The following OSBPL6 variants were observed in gnomAD, a reference collection of about 807,000 sequenced individuals.
OSBPL6 encodes oxysterol binding protein like 6, also known as oxysterol-binding protein-related protein 6.
Under a neutral mutation model 125.8 loss-of-function variants are expected in OSBPL6, and 49 were observed. That is an observed-to-expected ratio of 0.39 (90% CI 0.31 to 0.49). The LOEUF is 0.49. Ranked by LOEUF, OSBPL6 falls within the 20% of genes least tolerant of loss-of-function variation. OSBPL6 has a pLI of 0.88. For missense variants in OSBPL6, 986 were observed against 1,135.4 expected (o/e 0.87, Z 1.89); for synonymous variants, 394 against 391.8 (o/e 1.01, Z -0.07).
At chr2:178,395,428 T>C (rs752380546) in intron 24 of OSBPL6, 23 bp from the exon 25 acceptor site, 2 of 1,537,966 alleles carry the variant, frequency 1.3e-6, no homozygotes, top group Non-Finnish European at 1.8e-6. Flanking sequence ...TCATGACTAA[T>C]GTTGATGTTT....
intron 1 of OSBPL6, among the ~76,000 whole-genome samples, chr2:178,262,217 G>T: frequency 6.6e-6 from 1 of 151,982 alleles, no homozygotes. Flanking sequence ...AGAATTTTTT[G>T]CTTTGCTAAA....
rs1440436660 is a variant in OSBPL6 at position 178,372,213 on chromosome 2, A to G, written c.1375A>G (p.Ile459Val). The stretch of plus-strand genomic sequence containing the variant: ...TTGTGATCAGGTTGTCAGTGTAAAT[A>G]TTATTCCTAGCCCTGATGAGGTAAG... ...IICDQVVSVN[I>V]IPSPDEAGEQ... Residue 459 changes from isoleucine to valine, a missense_variant, in exon 14 of 25, where the codon ATT (isoleucine) becomes GTT (valine). This residue lies in a region of OSBPL6 where 843 missense variants were observed against 997.3 expected (regional missense o/e 0.85). Transcript: ENST00000190611. The G allele has an allele frequency of 6.8e-6, 11 of 1,612,386 alleles. No homozygotes were observed. In the East Asian group the frequency reaches 2.0e-4, roughly 29 times the overall value.
chr2:178,255,110 C>G (rs1333179613), intron 1 of OSBPL6, among the ~76,000 whole-genome samples: 1 of 152,204 alleles, frequency 6.6e-6, no homozygotes, highest in African/African-American at 2.4e-5. Context: ...TCAAGACCAG[C>G]TAGGCCAGCA....
intron 11 of OSBPL6, among the ~76,000 whole-genome samples, chr2:178,347,444 CA>C (rs74956757): frequency 0.059 from 8,906 of 152,200 alleles, 333 homozygotes; most frequent in South Asian, 0.15. Flanking sequence ...AGTCTCTCCC[CA>C]TGACATCCTA....
At chr2:178,333,665 A>G (rs182700000) in intron 8 of OSBPL6, among the ~76,000 whole-genome samples, 48 of 152,360 alleles carry the variant, frequency 3.2e-4, no homozygotes, top group African/African-American at 1.1e-3. Context: ...TTTAATCAAC[A>G]TTCAGAAATC....
At chr2:178,329,417 A>ATTT (rs199952604) in intron 5 of OSBPL6, among the ~76,000 whole-genome samples, 2 of 139,528 alleles carry the variant, frequency 1.4e-5, no homozygotes, top group South Asian at 2.3e-4. Flanking sequence ...TTATTTACTT[A>ATTT]TTTTTTTTTT....
At chr2:178,343,659 T>C (rs16866275) in intron 11 of OSBPL6, among the ~76,000 whole-genome samples, 3,887 of 152,284 alleles carry the variant, frequency 0.026, 234 homozygotes, top group East Asian at 0.22. Context: ...TTTTCTGATC[T>C]TATGGGGTCT....
At chr2:178,243,876 C>T (rs1011962487) in intron 1 of OSBPL6, among the ~76,000 whole-genome samples, 1 of 152,180 alleles carries the variant, frequency 6.6e-6, no homozygotes, top group Non-Finnish European at 1.5e-5. Context: ...TGGTCTTGAA[C>T]TCCTGATCTC....
chr2:178,294,674 T>C (rs1685573971), intron 2 of OSBPL6, among the ~76,000 whole-genome samples: 1 of 151,890 alleles, frequency 6.6e-6, no homozygotes, highest in African/African-American at 2.4e-5. Context: ...GTCGGAAAAT[T>C]CTAAGTCAAA....
intron 1 of OSBPL6, among the ~76,000 whole-genome samples, chr2:178,269,691 T>C (rs1377048465): frequency 6.6e-6 from 1 of 152,122 alleles, no homozygotes; most frequent in Admixed American, 6.5e-5. Flanking sequence ...CAGGGCCTTG[T>C]TATATTACAG....
intron 13 of OSBPL6, among the ~76,000 whole-genome samples, chr2:178,368,591 GTTTTCTTTTGGCACAATGTTAATATT>G (rs1559301694): frequency 6.6e-6 from 1 of 151,654 alleles, no homozygotes; most frequent in Non-Finnish European, 1.5e-5. Flanking sequence ...GAACCAAACT[GTTTTCTTTTGGCACAATGTTAATATT>G]TTGGCAGGAA....
chr2:178,335,415 C>T (rs1258420697), intron 8 of OSBPL6, among the ~76,000 whole-genome samples: 1 of 152,084 alleles, frequency 6.6e-6, no homozygotes, highest in Non-Finnish European at 1.5e-5. Flanking sequence ...ATTTCCATTA[C>T]ATTTATCAAC....
chr2:178,361,612 G>A (rs1692365378), intron 12 of OSBPL6, 70 bp from the exon 13 acceptor site: 1 of 1,556,494 alleles, frequency 6.4e-7, no homozygotes, highest in South Asian at 1.2e-5. Flanking sequence ...AAAGTCTGGA[G>A]AAATTTATAA....
intron 1 of OSBPL6, among the ~76,000 whole-genome samples, chr2:178,216,339 T>C (rs1318561811): frequency 6.6e-6 from 1 of 152,192 alleles, no homozygotes. Flanking sequence ...CATGAAATCA[T>C]ATTCACTCAA....
chr2:178,222,724 A>G (rs1252232010), intron 1 of OSBPL6, among the ~76,000 whole-genome samples: 2 of 152,206 alleles, frequency 1.3e-5, no homozygotes, highest in African/African-American at 2.4e-5. Flanking sequence ...TTGAAAAGTA[A>G]ATGTTGTTAT....
intron 1 of OSBPL6, among the ~76,000 whole-genome samples, chr2:178,265,190 A>C (rs974771862): frequency 5.8e-5 from 3 of 51,910 alleles, no homozygotes; most frequent in East Asian, 2.3e-3. Flanking sequence ...CCCAGACGAG[A>C]CTTTTTTTTT....
intron 2 of OSBPL6, among the ~76,000 whole-genome samples, chr2:178,290,384 A>T (rs983846684): frequency 1.3e-5 from 2 of 151,314 alleles, no homozygotes; most frequent in Non-Finnish European, 2.9e-5. Context: ...TCAAGGATTT[A>T]AAAAAATATT....
At chr2:178,312,007 C>T (rs920451399) in intron 3 of OSBPL6, among the ~76,000 whole-genome samples, 1 of 152,056 alleles carries the variant, frequency 6.6e-6, no homozygotes, top group Non-Finnish European at 1.5e-5. Context: ...ATTGAAATGG[C>T]GTCTTAGTCT....
chr2:178,224,364 C>T (rs2090464683), intron 1 of OSBPL6, among the ~76,000 whole-genome samples: 1 of 152,084 alleles, frequency 6.6e-6, no homozygotes, highest in Non-Finnish European at 1.5e-5. Context: ...AAAAAAAATC[C>T]ATGGCCAATA....
Sources: gnomAD v4.1 joint callset for allele counts (sites outside exome capture counted in the v4.1 genomes callset) on GRCh38, gnomAD v4.1.1 for gene constraint, gnomAD v4.1.1 regional missense constraint, MANE v1.5 for transcripts, NCBI Gene and HGNC (gene_info 2026-07-23, HGNC 2026-07-21) for gene names.